Variants in ABCA1 observed in about 807,000 individuals in gnomAD.
ABCA1 encodes the protein phospholipid-transporting ATPase ABCA1.
ABCA1 carries 133 observed loss-of-function variants against 262.5 expected under a neutral mutation model. That is an observed-to-expected ratio of 0.51 (90% confidence interval 0.44 to 0.59). ABCA1 has a LOEUF of 0.59. Among genes scored for constraint, ABCA1 ranks in the 20% least tolerant of loss-of-function variants. ABCA1 has a pLI of 0.00. For synonymous variants in ABCA1, 1,022 were observed against 1,043.5 expected (o/e 0.98, Z 0.40); for missense variants, 2,452 against 2,777.5 (o/e 0.88, Z 2.63).
chr9:104,912,099 C>A (rs1425338532), intron 1 of ABCA1, among the ~76,000 whole-genome samples: 1 of 152,132 alleles, frequency 6.6e-6, no homozygotes, highest in Admixed American at 6.5e-5. Context: ...ATTTCCTAGA[C>A]AAAATTATTG....
chr9:104,875,735 A>T (rs1285088973), intron 5 of ABCA1, among the ~76,000 whole-genome samples: 1 of 152,144 alleles, frequency 6.6e-6, no homozygotes, highest in Non-Finnish European at 1.5e-5. Flanking sequence ...TCCTCACTGG[A>T]GAAGGCAAGA....
chr9:104,799,346 G>T, intron 36 of ABCA1: 1 of 676,750 alleles, frequency 1.5e-6, no homozygotes, highest in Non-Finnish European at 1.8e-6. Context: ...AGATCTGTAT[G>T]ACTCCAAAGG....
rs756456946 is a variant in ABCA1, at chr9:104,831,627, C to T, written c.1710G>A (p.Lys570=). Residue 570 remains lysine, a synonymous_variant, in exon 13 of 50, where the codon AAG becomes AAA. Transcript: ENST00000374736. ...IDNVERTNKI[K]DGYWDPGPRA... is the part of the protein sequence containing the mutation. ...TGTGATGGGATTCCACTTACCCATC[C>T]TTGATTTTATTTGTCCTCTCCACAT... The T allele has an allele frequency of 2.5e-6, 4 of 1,613,054 alleles. No individual in the cohort carries two copies. The highest frequency in any genetic ancestry group is 4.5e-5 in the East Asian group (2 of 44,870).
intron 2 of ABCA1, among the ~76,000 whole-genome samples, chr9:104,895,968 G>A (rs1419516936): frequency 1.3e-5 from 2 of 152,124 alleles, no homozygotes; most frequent in East Asian, 1.9e-4. Flanking sequence ...AATGCACTCC[G>A]CGCTGAAAAA....
At chr9:104,806,592 C>G (rs1830788216) in intron 30 of ABCA1, among the ~76,000 whole-genome samples, 162 bp from the exon 31 acceptor site, 1 of 152,208 alleles carries the variant, frequency 6.6e-6, no homozygotes, top group Admixed American at 6.5e-5. Context: ...GATCCCACAA[C>G]AGCCTTGTAC....
intron 8 of ABCA1, among the ~76,000 whole-genome samples, chr9:104,841,365 G>A (rs762842920): frequency 2.6e-5 from 4 of 151,952 alleles, no homozygotes; most frequent in African/African-American, 9.7e-5. Context: ...GCTTGAACCC[G>A]GGAGGCAGAG....
chr9:104,866,735 G>A (rs764996910), intron 5 of ABCA1, among the ~76,000 whole-genome samples: 1 of 152,074 alleles, frequency 6.6e-6, no homozygotes, highest in African/African-American at 2.4e-5. Context: ...TGATCCACTC[G>A]CCTTGGCCTC....
intron 1 of ABCA1, among the ~76,000 whole-genome samples, chr9:104,922,781 G>C (rs1467918622): frequency 2.0e-5 from 3 of 151,974 alleles, no homozygotes; most frequent in Admixed American, 6.6e-5. Context: ...GCACGATCTC[G>C]ACTCAGTGCA....
At chr9:104,860,444 T>A (rs1009644117) in intron 6 of ABCA1, among the ~76,000 whole-genome samples, 1 of 152,188 alleles carries the variant, frequency 6.6e-6, no homozygotes, top group African/African-American at 2.4e-5. Context: ...GTAAGCACAT[T>A]TTTCTAATTT....
intron 5 of ABCA1, among the ~76,000 whole-genome samples, chr9:104,862,641 G>GCCCCCACC (rs1564197815): frequency 6.5e-3 from 13 of 2,010 alleles, no homozygotes; most frequent in Non-Finnish European, 0.012. Context: ...TGCCGGGCCG[G>GCCCCCACC]GCCGGGCCGG....
chr9:104,800,043 G>A, intron 35 of ABCA1, 55 bp from the exon 36 acceptor site: 1 of 1,602,010 alleles, frequency 6.2e-7, no homozygotes, highest in Non-Finnish European at 8.5e-7. Context: ...GCTCCTGCAG[G>A]CAGGTGCATA....
chr9:104,879,807 G>A (rs552623771), intron 5 of ABCA1, among the ~76,000 whole-genome samples: 2 of 152,306 alleles, frequency 1.3e-5, no homozygotes, highest in South Asian at 4.1e-4. Context: ...TTCCTCCTCT[G>A]TGCCAGAATA....
intron 37 of ABCA1, among the ~76,000 whole-genome samples, chr9:104,796,752 T>C (rs1829930314): frequency 1.3e-5 from 2 of 152,202 alleles, no homozygotes; most frequent in Non-Finnish European, 2.9e-5. Flanking sequence ...TCTATTCTTC[T>C]TCCCGAAGAT....
intron 44 of ABCA1, among the ~76,000 whole-genome samples, chr9:104,790,052 C>T (rs931212613): frequency 2.0e-5 from 3 of 151,344 alleles, no homozygotes; most frequent in Non-Finnish European, 1.5e-5. Flanking sequence ...GCCAAGGTCG[C>T]GCCATTGCTC....
At chr9:104,915,176 GT>G (rs1260303565) in intron 1 of ABCA1, among the ~76,000 whole-genome samples, 1 of 152,156 alleles carries the variant, frequency 6.6e-6, no homozygotes, top group African/African-American at 2.4e-5. Flanking sequence ...CCAGGCTCTT[GT>G]CCAGTTCTAG....
Position 104,786,330 on chromosome 9 carries a change from C to T in ABCA1, c.6369G>A (p.Arg2123=), listed in dbSNP as rs961317042. The change falls in exon 48 of 50, where the codon AGG becomes AGA. Residue 2123 remains arginine, a synonymous_variant. Transcript: ENST00000374736. ...TTAGATGCTGGACACTGCCAAGGCA[C>T]CTGAACCTTCCATTGACCATGATTG... is the stretch of plus-strand genomic sequence containing the variant. ...RMAIMVNGRF[R]CLGSVQHLKN... The T allele has an allele frequency of 6.2e-7, 1 of 1,614,144 alleles. No homozygotes were observed. The highest frequency in any genetic ancestry group is 1.1e-5 in the South Asian group (1 of 91,078).
rs7030810 is a variant in ABCA1, at chr9:104,908,878, T to C, written c.-92-5107A>G. On this transcript the variant is annotated intron_variant, in intron 1 of 49. Coordinates refer to ENST00000374736, the MANE Select transcript of ABCA1 (RefSeq NM_005502.4). Reference sequence around the variant, plus strand: ...TCACTGCAGTGGTGACCAGTGGTCATGGGTGGAGGGGACGACAGACTGAAA... The same window carrying C: ...TCACTGCAGTGGTGACCAGTGGTCACGGGTGGAGGGGACGACAGACTGAAA... Among the ~76,000 whole-genome samples the C allele has an allele frequency of 7.8e-4, 119 of 152,244 alleles. 1 individual carries two copies. The highest frequency in any genetic ancestry group is 2.3e-3 in the African/African-American group (97 of 41,558).
intron 2 of ABCA1, among the ~76,000 whole-genome samples, chr9:104,896,728 T>A (rs1332097582): frequency 5.7e-5 from 7 of 122,376 alleles, no homozygotes; most frequent in African/African-American, 2.2e-4. Flanking sequence ...TTTTTTTTTT[T>A]TTTTTTTTTT....
At chr9:104,862,694 CGGGCCGG>C (rs1564199720) in intron 5 of ABCA1, among the ~76,000 whole-genome samples, 5 of 8,934 alleles carry the variant, frequency 5.6e-4, no homozygotes, top group African/African-American at 1.0e-3. Context: ...CGGGCCGGGC[CGGGCCGG>C]CCCCCACCCC....
Sources: allele counts gnomAD v4.1 joint callset (sites outside exome capture counted in the v4.1 genomes callset), GRCh38; gene constraint gnomAD v4.1.1; transcripts MANE v1.5; gene names NCBI Gene and HGNC (gene_info 2026-07-23, HGNC 2026-07-21).